The following CLCN1 variants were observed in gnomAD, a reference collection of about 807,000 sequenced individuals.
CLCN1 encodes chloride channel protein 1.
CLCN1 carries 100 observed loss-of-function variants against 114.5 expected under a neutral mutation model. The observed-to-expected ratio is 0.87, with a 90% CI of 0.74 to 1.03. The LOEUF is 1.03. CLCN1 is among the 50% of genes least tolerant of loss of function. The pLI is 0.00. For synonymous variants in CLCN1, 485 were observed against 487.1 expected (o/e 1.00, Z 0.06); for missense variants, 1,188 against 1,250.0 (o/e 0.95, Z 0.75).
At chr7:143,323,706 C>A (rs1802509081) in intron 6 of CLCN1, 2 of 527,748 alleles carry the variant, frequency 3.8e-6, no homozygotes, top group Admixed American at 4.5e-5. Context: ...TCCACGTTTC[C>A]CTCGTGTGCT....
intron 12 of CLCN1, among the ~76,000 whole-genome samples, chr7:143,338,479 C>G (rs1802974628): frequency 6.6e-6 from 1 of 152,114 alleles, no homozygotes; most frequent in African/African-American, 2.4e-5. Flanking sequence ...CTTTAAATGT[C>G]TGACACTTAG....
rs779308470 is a variant in CLCN1 at position 143,350,469 on chromosome 7, T to C, written c.2501T>C (p.Leu834Pro). ...TTCCAGCTGGTGGAGCAGACAACCC[T>C]GCACAAGGTGAGTCTTTTGCTGACT... ...SPFQLVEQTT[L>P]HKTHTLFSLL... The change falls in exon 21 of 23, where the codon CTG becomes CCG. Residue 834 changes from leucine (L) to proline (P), a missense_variant. Leu to Pro is a moderately conservative substitution (Grantham distance 98). Transcript: ENST00000343257. This position sits in a 1 kb window ranked among gnomAD's most constrained non-coding sequence, Gnocchi z 5.1. 2 of 1,613,828 alleles carry C rather than the reference T, an allele frequency of 1.2e-6. No individual in the cohort carries two copies. Among genetic ancestry groups the C allele is most frequent in the Non-Finnish European group, 1.7e-6 (2 of 1,179,708 alleles).
At chr7:143,328,477 T>C (rs572959923) in intron 7 of CLCN1, among the ~76,000 whole-genome samples, 6 of 152,314 alleles carry the variant, frequency 3.9e-5, no homozygotes, top group African/African-American at 1.4e-4. Context: ...TGGCTCAGGC[T>C]AATATTAAAA....
Position 143,324,518 on chromosome 7 carries a change from C to T in CLCN1, c.853+26C>T, listed in dbSNP as rs1802529900. On this transcript the variant is annotated intron_variant, in intron 7 of 22. Transcript: ENST00000343257. The surrounding 1 kb of genome is among the most constrained non-coding windows in gnomAD (Gnocchi z 4.6). ...GCAAGTGATTGACCCCCTCCCCCAT[C>T]AATCGGCTTGCCTGGCCTGGCTCCC... 2 of 1,581,946 alleles carry T rather than the reference C, an allele frequency of 1.3e-6. No individual in the cohort carries two copies. Among genetic ancestry groups the T allele is most frequent in the Non-Finnish European group, 8.7e-7 (1 of 1,150,830 alleles).
chr7:143,349,144 A>G (rs1395956267), intron 20 of CLCN1, among the ~76,000 whole-genome samples: 2 of 152,234 alleles, frequency 1.3e-5, no homozygotes, highest in Admixed American at 6.5e-5. Context: ...GATCATAGAA[A>G]AGACCAAGAG....
Position 143,350,392 on chromosome 7 carries a change from G to A in CLCN1, c.2424G>A (p.Glu808=). The A allele has an allele frequency of 6.2e-7, 1 of 1,614,042 alleles. No homozygotes were observed. The highest frequency in any genetic ancestry group is 8.5e-7 in the Non-Finnish European group (1 of 1,179,938). ...SPEEIEAWEQ[E]QLSQPVCFDS... ...GACAGATTGAGGCCTGGGAGCAGGA[G>A]CAGCTGAGCCAGCCTGTCTGTTTTG... Residue 808 remains glutamate, a synonymous_variant, in exon 21 of 23, where the codon GAG becomes GAA. Transcript: ENST00000343257. The surrounding 1 kb of genome is among the most constrained non-coding windows in gnomAD (Gnocchi z 5.1).
chr7:143,318,956 G>GCCAGGCCTGAC (rs1802358044), intron 1 of CLCN1, among the ~76,000 whole-genome samples: 2 of 152,176 alleles, frequency 1.3e-5, no homozygotes, highest in African/African-American at 4.8e-5. Context: ...CAGCAACATG[G>GCCAGGCCTGAC]CCTGGCCTGA....
At chr7:143,323,181 C>G (rs1414393971) in intron 5 of CLCN1, 128 bp from the exon 6 acceptor site, 2 of 703,456 alleles carry the variant, frequency 2.8e-6, no homozygotes, top group Non-Finnish European at 5.2e-6. Context: ...AGGGCAGGAC[C>G]TCTGTGTAAC....
chr7:143,341,831 A>G (rs766188240), intron 14 of CLCN1, 98 bp from the exon 15 acceptor site: 6 of 910,940 alleles, frequency 6.6e-6, no homozygotes, highest in Admixed American at 1.9e-5. Flanking sequence ...GACCAGGGTC[A>G]TGTCTCTCAT....
At chr7:143,342,944 A>T (rs1483861170) in intron 16 of CLCN1, among the ~76,000 whole-genome samples, 1 of 151,934 alleles carries the variant, frequency 6.6e-6, no homozygotes, top group Non-Finnish European at 1.5e-5. Context: ...AAAAAAAAAA[A>T]TTTCCCACTA....
intron 12 of CLCN1, among the ~76,000 whole-genome samples, chr7:143,334,768 C>T (rs149523620): frequency 1.3e-5 from 2 of 152,308 alleles, no homozygotes; most frequent in Admixed American, 6.5e-5. Flanking sequence ...GTTGAATCTA[C>T]AGCATTCATA....
chr7:143,346,758 A>C, intron 19 of CLCN1, 100 bp downstream of exon 19: 1 of 1,227,740 alleles, frequency 8.1e-7, no homozygotes, highest in Non-Finnish European at 1.2e-6. Flanking sequence ...GACCCCACCA[A>C]GGAGGAGGAG....
chr7:143,321,756 G>T lies in CLCN1; in HGVS notation c.604G>T (p.Val202Phe). 1 of 1,614,234 alleles carries T rather than the reference G, an allele frequency of 6.2e-7. No individual in the cohort carries two copies. Residue 202 changes from valine (V) to phenylalanine (F), a missense_variant, in exon 5 of 23, where the codon GTC (valine) becomes TTC (phenylalanine). Val to Phe is a conservative substitution (Grantham distance 50, BLOSUM62 -1). Transcript: ENST00000343257. The surrounding 1 kb of genome is among the most constrained non-coding windows in gnomAD (Gnocchi z 4.2). The stretch of plus-strand genomic sequence containing the variant: ...AATGAAGACAATACTTCGTGGGGTT[G>T]TCCTGAAGGAATACCTCACAATGAA... ...PEMKTILRGV[V>F]LKEYLTMKAF...
Position 143,323,787 on chromosome 7 carries a change from A to T in CLCN1, c.774+401A>T, listed in dbSNP as rs1255655332. The T allele has an allele frequency of 8.6e-6, 4 of 467,030 alleles. No individual in the cohort carries two copies. In the East Asian group the frequency reaches 2.8e-4, roughly 33 times the overall value. The allele number at this position is 467,030 out of a possible 1,614,324, so 28.9% of individuals were successfully genotyped here. Reference sequence around the variant, plus strand: ...TACGTCCCGCCTGCCCCACCCCTCCACCCCCTTGTCCCGCGTGCTTCTCTG... The same window carrying T: ...TACGTCCCGCCTGCCCCACCCCTCCTCCCCCTTGTCCCGCGTGCTTCTCTG... On this transcript the variant is annotated intron_variant, in intron 6 of 22. Transcript: ENST00000343257.
intron 7 of CLCN1, among the ~76,000 whole-genome samples, chr7:143,328,065 A>G (rs1802620435): frequency 6.6e-6 from 1 of 152,212 alleles, no homozygotes; most frequent in Non-Finnish European, 1.5e-5. Flanking sequence ...AAGACTGGGT[A>G]TATGGGAAGT....
chr7:143,351,126 C>T (rs1307260920), intron 22 of CLCN1, among the ~76,000 whole-genome samples: 1 of 152,148 alleles, frequency 6.6e-6, no homozygotes, highest in African/African-American at 2.4e-5. Context: ...AGCAAGCAGC[C>T]AGCTGAGGTA....
chr7:143,346,063 A>ATCCACC, intron 17 of CLCN1, 77 bp from the exon 18 acceptor site: 2 of 1,011,188 alleles, frequency 2.0e-6, no homozygotes, highest in Non-Finnish European at 3.2e-6. Flanking sequence ...TTCCCAGAAC[A>ATCCACC]TCCACCAACT....
Position 143,330,909 on chromosome 7 carries a change from G to A in CLCN1, c.979+12G>A. ...GAACAAGGATGCTGGTAACCAAGGA[G>A]GCCTTGGGTGGAGGCCATGTGAAAT... On this transcript the variant is annotated intron_variant, in intron 8 of 22. Coordinates refer to ENST00000343257, the MANE Select transcript of CLCN1 (RefSeq NM_000083.3). 1.2e-6 allele frequency: 2 copies of A among 1,614,176 alleles called. No homozygotes were observed. Among genetic ancestry groups the A allele is most frequent in the Non-Finnish European group, 1.7e-6 (2 of 1,180,016 alleles).
At chr7:143,318,838 A>C (rs567049056) in intron 1 of CLCN1, among the ~76,000 whole-genome samples, 14 of 152,318 alleles carry the variant, frequency 9.2e-5, no homozygotes, top group Admixed American at 4.6e-4. Flanking sequence ...CCAGAAGACA[A>C]ACAGCCATGA....
Sources: gnomAD v4.1 joint callset for allele counts (sites outside exome capture counted in the v4.1 genomes callset) on GRCh38, gnomAD v4.1.1 for gene constraint, Gnocchi (gnomAD v3.1) non-coding constraint, MANE v1.5 for transcripts, NCBI Gene and HGNC (gene_info 2026-07-23, HGNC 2026-07-21) for gene names.